Variants in HIPK2 observed in about 807,000 individuals in gnomAD.
HIPK2 encodes homeodomain interacting protein kinase 2, also known as homeodomain-interacting protein kinase 2.
In HIPK2, 27 loss-of-function variants were observed where a neutral mutation model predicts 113.7. The ratio of observed to expected loss-of-function variants is 0.24; its 90% CI spans 0.17 to 0.33. The LOEUF is 0.33. HIPK2 is among the 10% of genes least tolerant of loss of function. The pLI is 1.00. For missense variants in HIPK2, 1,257 were observed against 1,588.0 expected (o/e 0.79, Z 3.54); for synonymous variants, 631 against 642.2 (o/e 0.98, Z 0.26).
At chr7:139,592,233 T>C (rs954358030) in intron 12 of HIPK2, among the ~76,000 whole-genome samples, 2 of 152,248 alleles carry the variant, frequency 1.3e-5, no homozygotes, top group African/African-American at 4.8e-5. Context: ...AAAGTTTTCA[T>C]TTTTGGTAAC....
intron 2 of HIPK2, among the ~76,000 whole-genome samples, chr7:139,653,733 T>A (rs1302284385): frequency 6.6e-6 from 1 of 151,808 alleles, no homozygotes; most frequent in Non-Finnish European, 1.5e-5. Context: ...TCCTCGAGAC[T>A]GTTGTTGTTT....
intron 2 of HIPK2, among the ~76,000 whole-genome samples, chr7:139,655,816 C>T (rs1270146088): frequency 6.6e-6 from 1 of 152,118 alleles, no homozygotes; most frequent in African/African-American, 2.4e-5. Context: ...GAATTAGGGT[C>T]AAGAAGGCTC....
intron 1 of HIPK2, among the ~76,000 whole-genome samples, chr7:139,720,830 C>T (rs1795387412): frequency 6.6e-6 from 1 of 152,130 alleles, no homozygotes; most frequent in Admixed American, 6.5e-5. Context: ...GCTGTTCATA[C>T]ATAAAGAAGG....
intron 2 of HIPK2, among the ~76,000 whole-genome samples, chr7:139,653,157 A>C (rs1319463246): frequency 2.0e-5 from 3 of 151,468 alleles, no homozygotes; most frequent in Admixed American, 6.6e-5. Flanking sequence ...AAAAAAAAAA[A>C]AAAAACTGTT....
intron 2 of HIPK2, among the ~76,000 whole-genome samples, chr7:139,694,498 C>G (rs1794509869): frequency 6.6e-6 from 1 of 152,170 alleles, no homozygotes; most frequent in South Asian, 2.1e-4. Flanking sequence ...CATTCCTGCC[C>G]CAGCCCAGAT....
intron 7 of HIPK2, among the ~76,000 whole-genome samples, chr7:139,619,783 C>T (rs918659922): frequency 2.0e-5 from 3 of 151,852 alleles, no homozygotes; most frequent in African/African-American, 4.8e-5. Flanking sequence ...TTTTTTGAGA[C>T]GGGGTCTCAC....
In HIPK2 at chr7:139,768,939, G is replaced by C. The variant is rs1266412024; in HGVS notation, c.19+8666C>G. 4.6e-5 allele frequency among the ~76,000 whole-genome samples: 7 copies of C among 152,140 alleles called. No homozygotes were observed. In the East Asian group the frequency reaches 1.3e-3, roughly 29 times the overall value. The stretch of plus-strand genomic sequence containing the variant: ...TTGGAACAGCCTCTTCATTGCTCTG[G>C]CCTCAGATTCTCATGTGTCAAAGAC... On this transcript the variant is annotated intron_variant, in intron 1 of 14. Transcript: ENST00000406875.
intron 1 of HIPK2, among the ~76,000 whole-genome samples, chr7:139,765,268 T>C (rs1463181551): frequency 2.6e-5 from 4 of 152,210 alleles, no homozygotes; most frequent in Non-Finnish European, 5.9e-5. Context: ...CAAACCTCAA[T>C]GTTACATAGA....
intron 1 of HIPK2, among the ~76,000 whole-genome samples, chr7:139,721,292 G>A (rs1484091100): frequency 6.6e-6 from 1 of 152,214 alleles, no homozygotes; most frequent in African/African-American, 2.4e-5. Context: ...ACCTTCATAA[G>A]GAATAAGACA....
chr7:139,621,386 T>C (rs1433187553), intron 6 of HIPK2, among the ~76,000 whole-genome samples: 1 of 152,220 alleles, frequency 6.6e-6, no homozygotes. Context: ...TCCAGCTACA[T>C]GAAATAGAAA....
At chr7:139,732,819 A>ATGTGTGTGTG (rs71170913) in intron 1 of HIPK2, among the ~76,000 whole-genome samples, 16 of 145,000 alleles carry the variant, frequency 1.1e-4, no homozygotes, top group African/African-American at 3.8e-4. Context: ...TTATATATAT[A>ATGTGTGTGTG]TGTGTGTGTG....
At chr7:139,666,295 A>G (rs964244702) in intron 2 of HIPK2, among the ~76,000 whole-genome samples, 2 of 152,178 alleles carry the variant, frequency 1.3e-5, no homozygotes, top group African/African-American at 4.8e-5. Flanking sequence ...TCCAGCTACC[A>G]TGGGTTCAGG....
chr7:139,708,323 A>T (rs1218262930), intron 2 of HIPK2, among the ~76,000 whole-genome samples: 1 of 152,184 alleles, frequency 6.6e-6, no homozygotes, highest in African/African-American at 2.4e-5. Context: ...CAAGTCATGG[A>T]TATTAAGTAT....
chr7:139,688,804 G>A (rs1585381665), intron 2 of HIPK2, among the ~76,000 whole-genome samples: 1 of 152,006 alleles, frequency 6.6e-6, no homozygotes, highest in Non-Finnish European at 1.5e-5. Context: ...AAATACTAAT[G>A]TTCATTATAA....
intron 2 of HIPK2, among the ~76,000 whole-genome samples, chr7:139,665,601 T>C (rs991126235): frequency 1.3e-5 from 2 of 151,680 alleles, no homozygotes; most frequent in Admixed American, 6.6e-5. Flanking sequence ...CATCCATCCA[T>C]CCATCCACCC....
chr7:139,627,232 T>C (rs1407944338), intron 5 of HIPK2, among the ~76,000 whole-genome samples: 1 of 152,172 alleles, frequency 6.6e-6, no homozygotes, highest in Non-Finnish European at 1.5e-5. Flanking sequence ...TTATGCTATG[T>C]GTGTGTTTGC....
intron 1 of HIPK2, among the ~76,000 whole-genome samples, chr7:139,743,103 A>G (rs1585447591): frequency 6.6e-6 from 1 of 152,314 alleles, no homozygotes; most frequent in Middle Eastern, 3.4e-3. Context: ...GTGTGCAGGA[A>G]GAGACCCCAG....
At chr7:139,751,892 T>C (rs552875178) in intron 1 of HIPK2, among the ~76,000 whole-genome samples, 1 of 151,978 alleles carries the variant, frequency 6.6e-6, no homozygotes, top group East Asian at 1.9e-4. Flanking sequence ...TACATACAAA[T>C]AGCTCTTGCT....
intron 2 of HIPK2, among the ~76,000 whole-genome samples, chr7:139,673,543 G>C (rs1360959549): frequency 4.6e-5 from 7 of 152,168 alleles, no homozygotes; most frequent in Non-Finnish European, 1.0e-4. Flanking sequence ...GGCCATCTGT[G>C]TGAGGACTCC....
Sources: gnomAD v4.1 joint callset for allele counts (sites outside exome capture counted in the v4.1 genomes callset) on GRCh38, gnomAD v4.1.1 for gene constraint, MANE v1.5 for transcripts, NCBI Gene and HGNC (gene_info 2026-07-23, HGNC 2026-07-21) for gene names.